The following AK9 variants were observed in gnomAD, a reference collection of about 807,000 sequenced individuals.
AK9 encodes adenylate kinase 9.
Under a neutral mutation model 239.6 loss-of-function variants are expected in AK9, and 191 were observed. The observed-to-expected ratio is 0.80, with a 90% confidence interval of 0.71 to 0.90. The LOEUF is 0.90. Ranked by LOEUF, AK9 falls within the 40% of genes least tolerant of loss-of-function variation. AK9 has a pLI of 0.00. For synonymous variants in AK9, 689 were observed against 721.0 expected (o/e 0.96, Z 0.71); for missense variants, 1,995 against 2,214.7 (o/e 0.90, Z 1.99).
chr6:109,573,185 T>G (rs1787642376), intron 21 of AK9, among the ~76,000 whole-genome samples: 1 of 152,182 alleles, frequency 6.6e-6, no homozygotes, highest in African/African-American at 2.4e-5. Context: ...GACACTTTTT[T>G]CCTGCTTTTT....
intron 21 of AK9, among the ~76,000 whole-genome samples, chr6:109,569,027 CTA>C (rs1411966554): frequency 1.3e-5 from 2 of 152,178 alleles, no homozygotes; most frequent in Admixed American, 1.3e-4. Flanking sequence ...TGACTTCAAA[CTA>C]TGCTACAAGG....
chr6:109,667,777 C>T (rs1238165575), intron 5 of AK9, among the ~76,000 whole-genome samples: 1 of 152,144 alleles, frequency 6.6e-6, no homozygotes, highest in Non-Finnish European at 1.5e-5. Flanking sequence ...GTATATGTGC[C>T]ACATTTTCTT....
chr6:109,544,126 A>G (rs184395507), intron 26 of AK9, among the ~76,000 whole-genome samples: 1 of 152,230 alleles, frequency 6.6e-6, no homozygotes, highest in East Asian at 1.9e-4. Flanking sequence ...CTCAAAAAGA[A>G]AAAAGAATAT....
intron 36 of AK9, among the ~76,000 whole-genome samples, chr6:109,498,747 CTTG>C (rs1018461313): frequency 1.3e-4 from 20 of 152,372 alleles, no homozygotes; most frequent in African/African-American, 4.6e-4. Flanking sequence ...GGGCTGAGTC[CTTG>C]TTGTTCAGCA....
rs1776787967 is a variant in AK9 at position 109,494,040 on chromosome 6, T to C, written c.5474A>G (p.Lys1825Arg). ...AMNAAGCLKP[K>R]FPFLSIRRSA... ...TCTCCTTATACTTAAAAAGGGGAAC[T>C]TGGGCTTTAAGCATCCCGCTGCATT... The change falls in exon 40 of 41, where the codon AAG becomes AGG. Residue 1825 changes from lysine (K) to arginine (R), a missense_variant. Transcript: ENST00000424296. 1.2e-6 allele frequency: 2 copies of C among 1,613,254 alleles called. No individual in the cohort carries two copies. The highest frequency in any genetic ancestry group is 1.7e-6 in the Non-Finnish European group (2 of 1,179,554).
intron 9 of AK9, 94 bp downstream of exon 9, chr6:109,644,520 T>C: frequency 3.7e-6 from 4 of 1,086,706 alleles, no homozygotes; most frequent in Non-Finnish European, 1.3e-6. Flanking sequence ...TGTTCAAATA[T>C]AAATATGCTT....
At chr6:109,585,805 G>T in intron 18 of AK9, 111 bp downstream of exon 18, 1 of 1,003,014 alleles carries the variant, frequency 1.0e-6, no homozygotes. Context: ...AGGGATTGCT[G>T]GGGTGGGTAT....
In AK9 at chr6:109,633,175, C is replaced by G; in HGVS notation, c.1073+9G>C. 6.3e-7 allele frequency: 1 copy of G among 1,578,840 alleles called. No homozygotes were observed. Among genetic ancestry groups the G allele is most frequent in the South Asian group, 1.2e-5 (1 of 84,938 alleles). Reference sequence around the variant, plus strand: ...AGATTTAAAATTAAGTTCTGAAAATCTTACTTACCTCACAGAATAATCTGG... The same window carrying G: ...AGATTTAAAATTAAGTTCTGAAAATGTTACTTACCTCACAGAATAATCTGG... On this transcript the variant is annotated intron_variant, in intron 11 of 40. Transcript: ENST00000424296.
chr6:109,508,974 T>G (rs1277937521), intron 33 of AK9, among the ~76,000 whole-genome samples: 1 of 152,204 alleles, frequency 6.6e-6, no homozygotes, highest in Non-Finnish European at 1.5e-5. Flanking sequence ...GCCTGCCTGC[T>G]AATCTGGCAT....
chr6:109,545,817 TAAC>T (rs761389896), intron 26 of AK9, 47 bp downstream of exon 26: 6 of 1,548,446 alleles, frequency 3.9e-6, no homozygotes, highest in African/African-American at 1.4e-5. Flanking sequence ...ACAACAACAA[TAAC>T]AACAGCAAAA....
At chr6:109,497,364 T>C (rs3932480) in intron 38 of AK9, 101 bp downstream of exon 38, 6 of 420,300 alleles carry the variant, frequency 1.4e-5, no homozygotes, top group Non-Finnish European at 1.8e-5. Flanking sequence ...ACACACACAC[T>C]CTCTCTCTCT....
At chr6:109,625,934 A>G (rs1160582725) in intron 12 of AK9, among the ~76,000 whole-genome samples, 3 of 148,626 alleles carry the variant, frequency 2.0e-5, no homozygotes, top group African/African-American at 7.4e-5. Context: ...TTTCTGTCCT[A>G]TTTCCATTAT....
intron 29 of AK9, among the ~76,000 whole-genome samples, chr6:109,526,017 C>T (rs1260298147): frequency 2.0e-5 from 3 of 152,088 alleles, no homozygotes; most frequent in Non-Finnish European, 4.4e-5. Context: ...TCCATTATCC[C>T]AAGCAAGTTA....
chr6:109,596,685 G>A (rs779166047), intron 17 of AK9, among the ~76,000 whole-genome samples: 19 of 152,156 alleles, frequency 1.2e-4, no homozygotes, highest in Non-Finnish European at 2.6e-4. Context: ...GGGAGGGGTG[G>A]CTAAGGCTTC....
chr6:109,635,059 A>G (rs562160492), intron 10 of AK9, among the ~76,000 whole-genome samples: 1 of 152,292 alleles, frequency 6.6e-6, no homozygotes, highest in South Asian at 2.1e-4. Flanking sequence ...CAGACTGAAA[A>G]CATGAATTTA....
At chr6:109,516,754 T>C (rs2128117143) in intron 29 of AK9, 112 bp from the exon 30 acceptor site, 3 of 898,336 alleles carry the variant, frequency 3.3e-6, no homozygotes, top group Non-Finnish European at 5.0e-6. Context: ...TGGTATTGCA[T>C]GTTGACATTC....
intron 29 of AK9, among the ~76,000 whole-genome samples, chr6:109,522,796 A>C (rs1780005929): frequency 6.6e-6 from 1 of 152,098 alleles, no homozygotes; most frequent in Non-Finnish European, 1.5e-5. Context: ...TGAAGGATTA[A>C]ATTGATTAGT....
At chr6:109,519,751 T>C (rs1290816980) in intron 29 of AK9, among the ~76,000 whole-genome samples, 1 of 149,894 alleles carries the variant, frequency 6.7e-6, no homozygotes, top group East Asian at 2.0e-4. Context: ...GCTGTGATGG[T>C]GCCACTGCAC....
At chr6:109,515,748 A>G in intron 31 of AK9, 109 bp downstream of exon 31, 1 of 1,007,828 alleles carries the variant, frequency 9.9e-7, no homozygotes, top group Non-Finnish European at 1.4e-6. Context: ...AGACTACTAC[A>G]CAATACTTAC....
Sources: gnomAD v4.1 joint callset for allele counts (sites outside exome capture counted in the v4.1 genomes callset) on GRCh38, gnomAD v4.1.1 for gene constraint, MANE v1.5 for transcripts, NCBI Gene and HGNC (gene_info 2026-07-23, HGNC 2026-07-21) for gene names.